Variants in TRIM36 observed in about 807,000 individuals in gnomAD.
The protein encoded by TRIM36 is E3 ubiquitin-protein ligase TRIM36.
Under a neutral mutation model 72.4 loss-of-function variants are expected in TRIM36, and 42 were observed. The ratio of observed to expected loss-of-function variants is 0.58; its 90% confidence interval spans 0.45 to 0.75. The LOEUF is 0.75. Ranked by LOEUF, TRIM36 falls within the 30% of genes least tolerant of loss-of-function variation. The pLI, the probability that TRIM36 is intolerant of heterozygous loss-of-function variation, is 0.00. For missense variants in TRIM36, 913 were observed against 857.1 expected (o/e 1.07, Z -0.81); for synonymous variants, 315 against 282.8 (o/e 1.11, Z -1.14).
intron 1 of TRIM36, chr5:115,177,462 CT>C: frequency 8.1e-6 from 9 of 1,110,100 alleles, no homozygotes; most frequent in Non-Finnish European, 1.0e-5. Context: ...TCCCATTATT[CT>C]TTACATTACA....
intron 1 of TRIM36, among the ~76,000 whole-genome samples, chr5:115,178,951 T>A (rs1170581647): frequency 1.3e-5 from 2 of 152,090 alleles, no homozygotes; most frequent in Non-Finnish European, 2.9e-5. Flanking sequence ...TTGGAGTTAG[T>A]GGGGTGTGGG....
chr5:115,134,126 T>C lies in TRIM36; in HGVS notation c.1232A>G (p.Asn411Ser), dbSNP rs145278757. ...FSSGIDVPEI[N>S]EEQSKVYNNA... ...GTTATAAACTTTGCTCTGTTCCTCA[T>C]TGATCTCTGGCACGTCTATGCCTGA... The change falls in exon 8 of 10, where the codon AAT becomes AGT. Residue 411 changes from asparagine to serine, a missense_variant. Physicochemically the swap from Asn to Ser is conservative, Grantham distance 46. Transcript: ENST00000513154. The C allele has an allele frequency of 4.0e-5, 64 of 1,599,268 alleles. No individual in the cohort carries two copies. Among genetic ancestry groups the C allele is most frequent in the Middle Eastern group, 1.7e-4 (1 of 5,988 alleles).
At chr5:115,172,302 C>T (rs1367461073), upstream of TRIM36, among the ~76,000 whole-genome samples, 1 of 152,148 alleles carries the variant, frequency 6.6e-6, no homozygotes, top group Non-Finnish European at 1.5e-5. Flanking sequence ...AATGTTCCTA[C>T]TGTAATACTT....
At chr5:115,133,546 T>C (rs1261208401) in intron 8 of TRIM36, among the ~76,000 whole-genome samples, 1 of 152,180 alleles carries the variant, frequency 6.6e-6, no homozygotes, top group Non-Finnish European at 1.5e-5. Context: ...AATTATATAT[T>C]TAAAACTTTT....
At chr5:115,165,657 C>T (rs1754726162) in intron 1 of TRIM36, among the ~76,000 whole-genome samples, 5 of 152,206 alleles carry the variant, frequency 3.3e-5, no homozygotes, top group Admixed American at 2.6e-4. Context: ...GACCTGCTTG[C>T]TCTGCAGAGC....
At chr5:115,166,848 G>A (rs1231835491) in intron 1 of TRIM36, among the ~76,000 whole-genome samples, 1 of 152,066 alleles carries the variant, frequency 6.6e-6, no homozygotes, top group Admixed American at 6.5e-5. Flanking sequence ...TGTAGTGGGA[G>A]CCACTTGTGG....
At position 115,169,724 on chromosome 5, in the gene TRIM36, C is replaced by G; in HGVS notation, c.-90G>C. 1 of 1,477,212 alleles carries G rather than the reference C, an allele frequency of 6.8e-7. No individual in the cohort carries two copies. Among genetic ancestry groups the G allele is most frequent in the Non-Finnish European group, 9.0e-7 (1 of 1,110,474 alleles). 91.5% of individuals were successfully genotyped at this position (1,477,212 alleles called of 1,614,324 possible). ...CTGGTGGGCGGGTCCCTGCGGCGGCCGTGGAGCCTCGGTCCGAAGCTGGAA... is the reference window on the plus strand; with the variant it reads ...CTGGTGGGCGGGTCCCTGCGGCGGCGGTGGAGCCTCGGTCCGAAGCTGGAA... On this transcript the variant is annotated 5_prime_UTR_variant, in exon 1 of 10. Transcript: ENST00000513154.
Position 115,163,624 on chromosome 5 carries a change from G to A in TRIM36, c.156C>T (p.Leu52=), listed in dbSNP as rs368053763. 144 of 1,614,002 alleles carry A rather than the reference G, an allele frequency of 8.9e-5. No homozygotes were observed. The highest frequency in any genetic ancestry group is 1.9e-4 in the South Asian group (17 of 91,080). ...HKCVKELLLT[L]DDSFNDVGSD... is the part of the protein sequence containing the mutation. ...ATCCCACATCGTTGAATGAATCATC[G>A]AGAGTCAGCAGGAGTTCTTTTACAC... Residue 52 remains leucine, a synonymous_variant, in exon 2 of 10, where the codon CTC becomes CTT. Coordinates refer to ENST00000513154, the MANE Select transcript of TRIM36 (RefSeq NM_001300759.2).
At position 115,133,859 on chromosome 5, in the gene TRIM36, C is replaced by G; in HGVS notation, c.1498+1G>C. On this transcript the variant is annotated splice_donor_variant, in intron 8 of 9. Coordinates refer to ENST00000513154, the MANE Select transcript of TRIM36 (RefSeq NM_001300759.2). LOFTEE classifies it high-confidence loss of function. ...TTTTTTATTCCTGATATTCACCATACCTGGAGCTGGAGGAGTATGAAGAAT... is the reference window on the plus strand; with the variant it reads ...TTTTTTATTCCTGATATTCACCATAGCTGGAGCTGGAGGAGTATGAAGAAT... The G allele has an allele frequency of 6.3e-7, 1 of 1,579,106 alleles. No homozygotes were observed. Among genetic ancestry groups the G allele is most frequent in the Non-Finnish European group, 8.6e-7 (1 of 1,165,010 alleles).
At chr5:115,155,967 A>G (rs1462707027) in intron 2 of TRIM36, among the ~76,000 whole-genome samples, 2 of 152,246 alleles carry the variant, frequency 1.3e-5, no homozygotes, top group Non-Finnish European at 2.9e-5. Flanking sequence ...TTCAGGATAC[A>G]ATACTAATGT....
intron 2 of TRIM36, among the ~76,000 whole-genome samples, chr5:115,152,387 C>T (rs6863214): frequency 1.8e-4 from 28 of 152,158 alleles, no homozygotes; most frequent in African/African-American, 6.7e-4. Flanking sequence ...AAATGACCCA[C>T]CCTAAGAATA....
upstream of TRIM36, chr5:115,169,952 G>A: frequency 8.2e-7 from 1 of 1,222,460 alleles, no homozygotes; most frequent in Non-Finnish European, 1.0e-6. Flanking sequence ...GGGCACCGCG[G>A]GGCGTGGACA....
chr5:115,173,368 A>G (rs1244977373), upstream of TRIM36, among the ~76,000 whole-genome samples: 9 of 152,192 alleles, frequency 5.9e-5, no homozygotes, highest in Non-Finnish European at 8.8e-5. Context: ...ACAGTAGCCT[A>G]TAAGTTGAGT....
intron 4 of TRIM36, among the ~76,000 whole-genome samples, 197 bp downstream of exon 4, chr5:115,144,401 C>T (rs1202940617): frequency 2.0e-5 from 3 of 152,050 alleles, no homozygotes; most frequent in Admixed American, 2.0e-4. Flanking sequence ...TCAATATATG[C>T]CGGGCCTTAT....
intron 1 of TRIM36, 66 bp downstream of exon 1, chr5:115,169,542 A>G (rs1012890197): frequency 2.7e-6 from 4 of 1,470,024 alleles, no homozygotes; most frequent in Non-Finnish European, 3.6e-6. Flanking sequence ...CCGGCGGAGG[A>G]AAGAGAAAGA....
rs1242490336 is a variant in TRIM36, at chr5:115,133,999, C to T, written c.1359G>A (p.Glu453=). Residue 453 remains glutamate (E), a synonymous_variant, in exon 8 of 10, where the codon GAG becomes GAA. Coordinates refer to ENST00000513154, the MANE Select transcript of TRIM36 (RefSeq NM_001300759.2). ...INRDDEMSWN[E]IEVCGTSKII... ...TTTTACTTGTTCCACACACTTCTATCTCATTCCATGACATTTCATCATCTC... is the reference window on the plus strand; with the variant it reads ...TTTTACTTGTTCCACACACTTCTATTTCATTCCATGACATTTCATCATCTC... The T allele has an allele frequency of 5.0e-6, 8 of 1,613,986 alleles. No homozygotes were observed. The highest frequency in any genetic ancestry group is 2.2e-5 in the South Asian group (2 of 91,076).
rs1200557315 is a variant in TRIM36 at position 115,125,732 on chromosome 5, G to C, written c.*771C>G. 1.3e-5 allele frequency: 2 copies of C among 151,938 alleles called. No homozygotes were observed. The highest frequency in any genetic ancestry group is 2.9e-5 in the Non-Finnish European group (2 of 67,922). The allele number at this position is 151,938 out of a possible 1,614,324, so 9.4% of individuals were successfully genotyped here. ...TTTTCACAGAATAAGAAAAACTAAAGATAAATTTCTCTGAAAAAAAGTATA... is the reference window on the plus strand; with the variant it reads ...TTTTCACAGAATAAGAAAAACTAAACATAAATTTCTCTGAAAAAAAGTATA... On this transcript the variant is annotated 3_prime_UTR_variant, in exon 10 of 10. Coordinates refer to ENST00000513154, the MANE Select transcript of TRIM36 (RefSeq NM_001300759.2).
At chr5:115,152,698 T>C (rs1753958768) in intron 2 of TRIM36, among the ~76,000 whole-genome samples, 2 of 152,166 alleles carry the variant, frequency 1.3e-5, no homozygotes, top group African/African-American at 4.8e-5. Flanking sequence ...TAGAAGGGAT[T>C]GGGGCCCTAT....
At chr5:115,139,632 T>C (rs1040091111) in intron 5 of TRIM36, among the ~76,000 whole-genome samples, 2 of 152,180 alleles carry the variant, frequency 1.3e-5, no homozygotes, top group Non-Finnish European at 2.9e-5. Flanking sequence ...CTCAGAAATA[T>C]CATTATAGAT....
Sources: gnomAD v4.1 joint callset for allele counts (sites outside exome capture counted in the v4.1 genomes callset) on GRCh38, gnomAD v4.1.1 for gene constraint, MANE v1.5 for transcripts, NCBI Gene and HGNC (gene_info 2026-07-23, HGNC 2026-07-21) for gene names.